The following RADIL variants were observed in gnomAD, a reference collection of about 807,000 sequenced individuals.
The protein encoded by RADIL is ras-associating and dilute domain-containing protein.
In RADIL, 99 loss-of-function variants were observed where a neutral mutation model predicts 97.6. The ratio of observed to expected loss-of-function variants is 1.01; its 90% confidence interval spans 0.86 to 1.20. The LOEUF (loss-of-function observed/expected upper bound fraction) is 1.20, where lower values mean the gene tolerates loss of function less well. Among genes scored for constraint, RADIL ranks in the 50% most tolerant of loss-of-function variants. RADIL has a pLI of 0.00. For synonymous variants in RADIL, 803 were observed against 691.8 expected, an observed-to-expected ratio of 1.16 and a Z score of -2.52; for missense variants, 1,765 against 1,498.9, an observed-to-expected ratio of 1.18 and a Z score of -2.93.
At chr7:4,807,538 T>A (rs1343501698) in intron 9 of RADIL, among the ~76,000 whole-genome samples, 1 of 69,066 alleles carries the variant, frequency 1.4e-5, no homozygotes, top group Non-Finnish European at 2.8e-5. Context: ...CTCCCTCCTC[T>A]CTCCCTCTGT....
intron 9 of RADIL, chr7:4,806,009 G>T (rs1782295484): frequency 1.0e-6 from 1 of 985,346 alleles, no homozygotes; most frequent in Non-Finnish European, 1.2e-6. Context: ...GCCAACCAGA[G>T]AAACCACTAC....
Position 4,880,242 on chromosome 7 carries a change from C to T in RADIL, c.-64-2039G>A, listed in dbSNP as rs756689330. On this transcript the variant is annotated intron_variant, in intron 1 of 14. Transcript: ENST00000399583. The surrounding 1 kb of genome is among the most constrained non-coding windows in gnomAD (Gnocchi z 4.5). ...AAGGAGCAAAGCCTTTGTTTCTCTT[C>T]CTCTGAGGAAGGTGCAACGAGTGGC... is the stretch of plus-strand genomic sequence containing the variant. 3.9e-5 allele frequency among the ~76,000 whole-genome samples: 6 copies of T among 152,184 alleles called. No homozygotes were observed. Among genetic ancestry groups the T allele is most frequent in the Non-Finnish European group, 8.8e-5 (6 of 68,038 alleles).
rs62450245 is a variant in RADIL at position 4,878,799 on chromosome 7, C to G, written c.-64-596G>C. On this transcript the variant is annotated intron_variant, in intron 1 of 14. Coordinates refer to ENST00000399583, the MANE Select transcript of RADIL (RefSeq NM_018059.5). This position sits in a 1 kb window ranked among gnomAD's most constrained non-coding sequence, Gnocchi z 4.1. ...TGTGCAGTGAGCATCAAGGAGCGCC[C>G]CACCCGGAGCCGGCCCCAGCACCAT... is the stretch of plus-strand genomic sequence containing the variant. Among the ~76,000 whole-genome samples the G allele has an allele frequency of 0.23, 34,497 of 152,226 alleles. 4,527 individuals carry two copies. The highest frequency in any genetic ancestry group is 0.34 in the Admixed American group (5,208 of 15,288).
intron 2 of RADIL, chr7:4,861,432 G>A (rs572824768): frequency 3.1e-6 from 5 of 1,614,124 alleles, no homozygotes; most frequent in South Asian, 2.2e-5. Flanking sequence ...AAGTCGCTTC[G>A]ATCCACATGA....
intron 2 of RADIL, among the ~76,000 whole-genome samples, chr7:4,836,920 A>G (rs899171779): frequency 6.6e-6 from 1 of 152,076 alleles, no homozygotes; most frequent in African/African-American, 2.4e-5. Flanking sequence ...CCTGGGTGAC[A>G]AGAGCGAAAC....
Position 4,877,591 on chromosome 7 carries a change from G to A in RADIL, c.535+14C>T, listed in dbSNP as rs1330675516. The A allele has an allele frequency of 6.3e-7, 1 of 1,576,332 alleles. No homozygotes were observed. The highest frequency in any genetic ancestry group is 8.6e-7 in the Non-Finnish European group (1 of 1,163,902). ...CAGACCCACGGCTCTTCCTGAACCT[G>A]TGGCCCCCCTCACCTGCCGTGATGG... is the stretch of plus-strand genomic sequence containing the variant. On this transcript the variant is annotated intron_variant, in intron 2 of 14. Coordinates refer to ENST00000399583, the MANE Select transcript of RADIL (RefSeq NM_018059.5).
In RADIL at chr7:4,878,726, C is replaced by T. The variant is rs1472031155; in HGVS notation, c.-64-523G>A. Among the ~76,000 whole-genome samples, 2 of 152,240 alleles carry T rather than the reference C, an allele frequency of 1.3e-5. No individual in the cohort carries two copies. Among genetic ancestry groups the T allele is most frequent in the Non-Finnish European group, 2.9e-5 (2 of 68,040 alleles). On this transcript the variant is annotated intron_variant, in intron 1 of 14. Coordinates refer to ENST00000399583, the MANE Select transcript of RADIL (RefSeq NM_018059.5). This position sits in a 1 kb window ranked among gnomAD's most constrained non-coding sequence, Gnocchi z 4.1. Reference sequence around the variant, plus strand: ...AATGAGGTCGCCTAAGTAAGACACGCTCCGCTGCAGGGCTTGGATTTCTGG... The same window carrying T: ...AATGAGGTCGCCTAAGTAAGACACGTTCCGCTGCAGGGCTTGGATTTCTGG...
At chr7:4,802,878 T>G (rs13235652) in intron 11 of RADIL, among the ~76,000 whole-genome samples, 250 of 58,094 alleles carry the variant, frequency 4.3e-3, no homozygotes, top group Middle Eastern at 0.015. Context: ...CTCGGGGCAC[T>G]CTGGCTGGGG....
At chr7:4,855,273 C>T (rs1039924533) in intron 2 of RADIL, among the ~76,000 whole-genome samples, 6 of 152,040 alleles carry the variant, frequency 3.9e-5, no homozygotes, top group African/African-American at 1.4e-4. Context: ...TCTACCACCA[C>T]GAGAAATACC....
In RADIL at chr7:4,834,275, G is replaced by A. The variant is rs1783229974; in HGVS notation, c.1416+332C>T. On this transcript the variant is annotated intron_variant, in intron 4 of 14. Transcript: ENST00000399583. The surrounding 1 kb of genome is among the most constrained non-coding windows in gnomAD (Gnocchi z 6.0). ...TCGGCCTCGTGGTGCCCAGGCTCAG[G>A]GGCAGCTCACTCCTGGCACGTGACA... 6.6e-6 allele frequency among the ~76,000 whole-genome samples: 1 copy of A among 152,252 alleles called. No individual in the cohort carries two copies. The highest frequency in any genetic ancestry group is 2.1e-4 in the South Asian group (1 of 4,818).
chr7:4,802,334 C>G (rs1268358465), intron 11 of RADIL, among the ~76,000 whole-genome samples: 2 of 141,514 alleles, frequency 1.4e-5, no homozygotes, highest in East Asian at 4.0e-4. Context: ...CTGGCTGGGC[C>G]CCCTCCCCGG....
chr7:4,862,374 T>C (rs1249750546), intron 2 of RADIL, among the ~76,000 whole-genome samples: 1 of 152,180 alleles, frequency 6.6e-6, no homozygotes, highest in East Asian at 1.9e-4. Context: ...TTCTGTCTTG[T>C]TTCTTGGGCC....
At chr7:4,841,163 T>C (rs778026599) in intron 2 of RADIL, among the ~76,000 whole-genome samples, 7 of 152,238 alleles carry the variant, frequency 4.6e-5, no homozygotes, top group East Asian at 1.9e-4. Flanking sequence ...AATACGCCCA[T>C]GTCTTCTGTT....
chr7:4,799,451 T>A lies in RADIL; in HGVS notation c.3155A>T (p.Lys1052Met), dbSNP rs759422930. 5 of 1,613,744 alleles carry A rather than the reference T, an allele frequency of 3.1e-6. No individual in the cohort carries two copies. Among genetic ancestry groups the A allele is most frequent in the Non-Finnish European group, 4.2e-6 (5 of 1,180,002 alleles). The part of the protein sequence containing the change: ...AVDLIRHGGK[K>M]MRFLVAKSDV... The stretch of plus-strand genomic sequence containing the variant: ...GGACTTCGCGACCAGGAACCGCATC[T>A]TCTTCCCGCCATGACGGATCAGGTC... The change falls in exon 15 of 15, where the codon AAG (lysine) becomes ATG (methionine). Residue 1052 changes from lysine to methionine, a missense_variant. By Grantham distance (95) the Lys-to-Met change is moderately conservative. Transcript: ENST00000399583.
rs148779422 is a variant in RADIL at position 4,842,618 on chromosome 7, C to T, written c.536-6013G>A. Among the ~76,000 whole-genome samples the T allele has an allele frequency of 1.1e-3, 165 of 152,306 alleles. 1 individual carries two copies. The highest frequency in any genetic ancestry group is 3.5e-3 in the African/African-American group (144 of 41,568). ...AAGAAAAACACAGGCTCTTCCTGAA[C>T]GTTGCTCAATTCCTCTATAAACTCA... On this transcript the variant is annotated intron_variant, in intron 2 of 14. Coordinates refer to ENST00000399583, the MANE Select transcript of RADIL (RefSeq NM_018059.5). The surrounding 1 kb of genome is among the most constrained non-coding windows in gnomAD (Gnocchi z 4.5).
chr7:4,802,055 G>T (rs1782105641), intron 11 of RADIL, 60 bp from the exon 12 acceptor site: 2 of 1,358,846 alleles, frequency 1.5e-6, no homozygotes, highest in Admixed American at 5.8e-5. Flanking sequence ...ACAGCACTCG[G>T]GCAACTGGGC....
rs1784299627 is a variant in RADIL at position 4,873,421 on chromosome 7, G to T, written c.535+4184C>A. 6.6e-6 allele frequency among the ~76,000 whole-genome samples: 1 copy of T among 152,106 alleles called. No homozygotes were observed. The highest frequency in any genetic ancestry group is 2.1e-4 in the South Asian group (1 of 4,816). On this transcript the variant is annotated intron_variant, in intron 2 of 14. Transcript: ENST00000399583. The surrounding 1 kb of genome is among the most constrained non-coding windows in gnomAD (Gnocchi z 4.3). ...CACATCACCACATGCACAGGCCAGGGGTCCCTTCCCTTTCTCGCCACTTTT... is the reference window on the plus strand; with the variant it reads ...CACATCACCACATGCACAGGCCAGGTGTCCCTTCCCTTTCTCGCCACTTTT...
rs1170777289 is a variant in RADIL at position 4,883,426 on chromosome 7, GT to G, written c.-65+169del. ...CAGGCCGGGGCCCGACAGCCAGTCG[GT>G]TCCCATGGCAACTGGGCAAACCTGC... is the stretch of plus-strand genomic sequence containing the variant. On this transcript the variant is annotated intron_variant, in intron 1 of 14. Transcript: ENST00000399583. The surrounding 1 kb of genome is among the most constrained non-coding windows in gnomAD (Gnocchi z 7.1). Among the ~76,000 whole-genome samples the G allele has an allele frequency of 6.6e-6, 1 of 152,068 alleles. No individual in the cohort carries two copies. Among genetic ancestry groups the G allele is most frequent in the Non-Finnish European group, 1.5e-5 (1 of 67,988 alleles).
chr7:4,806,866 C>T (rs1782326294), intron 9 of RADIL, among the ~76,000 whole-genome samples: 1 of 152,206 alleles, frequency 6.6e-6, no homozygotes, highest in Non-Finnish European at 1.5e-5. Flanking sequence ...TGCTGCTCGT[C>T]CAAAGCAACC....
Sources: allele counts gnomAD v4.1 joint callset (sites outside exome capture counted in the v4.1 genomes callset), GRCh38; gene constraint gnomAD v4.1.1; non-coding constraint Gnocchi (gnomAD v3.1); transcripts MANE v1.5; gene names NCBI Gene and HGNC (gene_info 2026-07-23, HGNC 2026-07-21).